The following DLGAP1 variants were observed in gnomAD, a reference collection of about 807,000 sequenced individuals.
DLGAP1 encodes disks large-associated protein 1.
In DLGAP1, 11 loss-of-function variants were observed where a neutral mutation model predicts 90.8. That is an observed-to-expected ratio of 0.12 (90% confidence interval 0.08 to 0.20). The LOEUF (loss-of-function observed/expected upper bound fraction) is 0.20. Among genes scored for constraint, DLGAP1 ranks in the 10% least tolerant of loss-of-function variants. The probability of loss-of-function intolerance (pLI) is 1.00; values close to 1 mark genes in which losing one functional copy is unlikely to be tolerated. For missense variants in DLGAP1, 1,050 were observed against 1,333.8 expected (o/e 0.79, Z 3.31); for synonymous variants, 558 against 540.7 (o/e 1.03, Z -0.44).
At position 3,880,088 on chromosome 18, in the gene DLGAP1, C is replaced by T; in HGVS notation, c.-20G>A. ...TTTCATGGCGGACCGGAAGCAGCCG[C>T]CAGGGTCATGGACACCCGGAAGTCA... On this transcript the variant is annotated 5_prime_UTR_variant, in exon 4 of 13. Transcript: ENST00000315677. 1.3e-6 allele frequency: 2 copies of T among 1,595,524 alleles called. No homozygotes were observed. The highest frequency in any genetic ancestry group is 2.2e-4 in the Middle Eastern group (1 of 4,490).
chr18:4,333,426 C>T (rs1017533157), intron 1 of DLGAP1, among the ~76,000 whole-genome samples: 1 of 151,640 alleles, frequency 6.6e-6, no homozygotes, highest in Admixed American at 6.6e-5. Context: ...TTACAACTGT[C>T]TCAGTGGCCA....
intron 3 of DLGAP1, chr18:3,894,637 T>C (rs1039021446): frequency 2.6e-5 from 4 of 152,228 alleles, no homozygotes; most frequent in Admixed American, 2.6e-4. Context: ...GCTTTGTTCT[T>C]TTTGCTTAGT....
intron 1 of DLGAP1, among the ~76,000 whole-genome samples, chr18:4,210,837 C>T (rs1016028345): frequency 2.6e-5 from 4 of 152,086 alleles, no homozygotes; most frequent in East Asian, 1.9e-4. Flanking sequence ...GTAAAGAGAA[C>T]GTCTCATCTA....
intron 1 of DLGAP1, among the ~76,000 whole-genome samples, chr18:4,268,418 T>C (rs1280033453): frequency 6.6e-6 from 1 of 152,176 alleles, no homozygotes; most frequent in Non-Finnish European, 1.5e-5. Context: ...ATTATGAATA[T>C]AGACAGACTG....
At chr18:3,596,679 C>T in intron 7 of DLGAP1, 2 of 392,422 alleles carry the variant, frequency 5.1e-6, no homozygotes, top group Non-Finnish European at 5.0e-6. Context: ...GCTCACGGTA[C>T]TAGTGTGATA....
intron 7 of DLGAP1, among the ~76,000 whole-genome samples, chr18:3,650,687 T>TGGAAGGAA (rs554166118): frequency 6.6e-6 from 1 of 152,124 alleles, no homozygotes; most frequent in Non-Finnish European, 1.5e-5. Flanking sequence ...ACCACGCTGG[T>TGGAAGGAA]GGAAGGAAGG....
intron 1 of DLGAP1, among the ~76,000 whole-genome samples, chr18:4,230,393 G>A (rs958628271): frequency 1.2e-4 from 18 of 152,074 alleles, no homozygotes; most frequent in African/African-American, 4.3e-4. Context: ...CAACCTCAGT[G>A]TCCATCAACA....
intron 2 of DLGAP1, among the ~76,000 whole-genome samples, chr18:4,083,355 A>C (rs1442829667): frequency 2.0e-5 from 3 of 152,192 alleles, no homozygotes; most frequent in Non-Finnish European, 4.4e-5. Flanking sequence ...CTTTCTATAA[A>C]AACAGTGTGT....
At chr18:4,414,047 CACTG>C (rs2082838930) in intron 1 of DLGAP1, among the ~76,000 whole-genome samples, 1 of 152,180 alleles carries the variant, frequency 6.6e-6, no homozygotes, top group African/African-American at 2.4e-5. Flanking sequence ...CAGACTGAGA[CACTG>C]ACTATGTGAA....
At position 4,454,138 on chromosome 18, in the gene DLGAP1, A is replaced by G. The variant is rs1301076565; in HGVS notation, c.-267+868T>C. The stretch of plus-strand genomic sequence containing the variant: ...CCGGGACAGCGCGCCTTCCGCAAAA[A>G]GCGCAGCAGCCGAAGTCCTGAAAGC... On this transcript the variant is annotated intron_variant, in intron 1 of 12. Transcript: ENST00000315677. This position sits in a 1 kb window ranked among gnomAD's most constrained non-coding sequence, Gnocchi z 4.7. 2.0e-5 allele frequency among the ~76,000 whole-genome samples: 3 copies of G among 152,184 alleles called. No individual in the cohort carries two copies.
At chr18:3,813,803 G>C (rs796541911) in intron 5 of DLGAP1, among the ~76,000 whole-genome samples, 22 of 152,000 alleles carry the variant, frequency 1.4e-4, no homozygotes, top group African/African-American at 5.3e-4. Context: ...ATCCAGAATG[G>C]CTTCTGAAAA....
chr18:4,145,583 A>T (rs2144351119), intron 2 of DLGAP1, among the ~76,000 whole-genome samples: 1 of 152,302 alleles, frequency 6.6e-6, no homozygotes, highest in Admixed American at 6.5e-5. Context: ...CACATAAAAC[A>T]GAACAGAAAA....
At chr18:3,943,414 C>T (rs1314945013) in intron 3 of DLGAP1, among the ~76,000 whole-genome samples, 2 of 148,500 alleles carry the variant, frequency 1.3e-5, no homozygotes, top group African/African-American at 5.0e-5. Context: ...AGGTGATAAA[C>T]TGCAAAGATG....
chr18:3,609,671 G>A (rs1396992811), intron 7 of DLGAP1, among the ~76,000 whole-genome samples: 1 of 152,084 alleles, frequency 6.6e-6, no homozygotes, highest in Non-Finnish European at 1.5e-5. Context: ...AGGGGATAGA[G>A]TGTTCCACTT....
chr18:3,558,144 A>T (rs552804152), intron 9 of DLGAP1, among the ~76,000 whole-genome samples: 2 of 152,178 alleles, frequency 1.3e-5, no homozygotes, highest in South Asian at 4.1e-4. Flanking sequence ...TCCATTTCTG[A>T]TAGAGAATTG....
chr18:4,033,230 TAA>T (rs1191446881), intron 2 of DLGAP1, among the ~76,000 whole-genome samples: 4 of 152,046 alleles, frequency 2.6e-5, no homozygotes, highest in Non-Finnish European at 5.9e-5. Context: ...ACAGTTCAGA[TAA>T]GGCTAACGTG....
intron 1 of DLGAP1, among the ~76,000 whole-genome samples, chr18:4,405,913 A>G (rs2055189183): frequency 6.6e-6 from 1 of 152,214 alleles, no homozygotes; most frequent in African/African-American, 2.4e-5. Flanking sequence ...TAAAGAACGA[A>G]GGAATGAAAG....
intron 5 of DLGAP1, among the ~76,000 whole-genome samples, chr18:3,760,298 G>C (rs9949894): frequency 0.016 from 2,463 of 152,296 alleles, 73 homozygotes; most frequent in African/African-American, 0.056. Context: ...GGGCGACACA[G>C]GGCCAATCCA....
chr18:3,914,295 G>A (rs973375400), intron 3 of DLGAP1, among the ~76,000 whole-genome samples: 12 of 152,192 alleles, frequency 7.9e-5, no homozygotes, highest in Admixed American at 7.8e-4. Flanking sequence ...TCTAAGTGAG[G>A]TCGTGCAGTA....
Sources: allele counts gnomAD v4.1 joint callset (sites outside exome capture counted in the v4.1 genomes callset), GRCh38; gene constraint gnomAD v4.1.1; non-coding constraint Gnocchi (gnomAD v3.1); transcripts MANE v1.5; gene names NCBI Gene and HGNC (gene_info 2026-07-23, HGNC 2026-07-21).